The following GALC variants were observed in gnomAD, a reference collection of about 807,000 sequenced individuals.
GALC encodes galactosylceramidase.
Under a neutral mutation model 91.8 loss-of-function variants are expected in GALC, and 77 were observed. That is an observed-to-expected ratio of 0.84 (90% CI 0.70 to 1.01). The LOEUF (loss-of-function observed/expected upper bound fraction) is 1.01. Ranked by LOEUF, GALC falls within the 50% of genes least tolerant of loss-of-function variation. The pLI, the probability that GALC is intolerant of heterozygous loss-of-function variation, is 0.00. For missense variants in GALC, 882 were observed against 855.9 expected, an observed-to-expected ratio of 1.03 and a Z score of -0.38; for synonymous variants, 357 against 306.7, an observed-to-expected ratio of 1.16 and a Z score of -1.71.
In GALC at chr14:87,939,920, G is replaced by A; in HGVS notation, c.1896C>T (p.Leu632=). Residue 632 remains leucine (L), a synonymous_variant, in exon 16 of 17, where the codon CTC becomes CTT. Coordinates refer to ENST00000261304, the MANE Select transcript of GALC (RefSeq NM_000153.4). ...VEVTAKKWYT[L]TLTIKGHFTS... ...CAATACTTACCTTAATAGTTAACGT[G>A]AGTGTATACCATTTTTTTGCTGTAA... 1 of 1,607,088 alleles carries A rather than the reference G, an allele frequency of 6.2e-7. No homozygotes were observed. The highest frequency in any genetic ancestry group is 8.5e-7 in the Non-Finnish European group (1 of 1,174,200).
chr14:87,954,147 C>A (rs1365084709), intron 10 of GALC: 2 of 1,605,100 alleles, frequency 1.2e-6, no homozygotes, highest in Non-Finnish European at 1.7e-6. Context: ...TGATGTTGTA[C>A]TTCAAGACCT....
At chr14:87,947,228 T>TAG (rs1325609697) in intron 13 of GALC, among the ~76,000 whole-genome samples, 2 of 151,896 alleles carry the variant, frequency 1.3e-5, no homozygotes, top group Admixed American at 1.3e-4. Flanking sequence ...ACCAAAAACT[T>TAG]TTCTAACAAC....
intron 10 of GALC, among the ~76,000 whole-genome samples, chr14:87,951,507 A>C (rs958617043): frequency 3.3e-5 from 5 of 151,942 alleles, no homozygotes; most frequent in Non-Finnish European, 7.4e-5. Context: ...GCCATCTATA[A>C]ATGCCTCCAT....
At chr14:87,976,265 T>G (rs910137149) in intron 7 of GALC, 93 bp downstream of exon 7, 28 of 1,345,208 alleles carry the variant, frequency 2.1e-5, no homozygotes, top group Non-Finnish European at 2.4e-5. Flanking sequence ...CTTCTGAGAA[T>G]GTAATCAAAT....
rs1886890773 is a variant in GALC at position 87,984,539 on chromosome 14, G to C, written c.443-6C>G. The C allele has an allele frequency of 6.2e-7, 1 of 1,613,978 alleles. No homozygotes were observed. The highest frequency in any genetic ancestry group is 1.3e-5 in the African/African-American group (1 of 74,926). On this transcript the variant is annotated splice_polypyrimidine_tract_variant and splice_region_variant and intron_variant, in intron 4 of 16. Transcript: ENST00000261304. ...AGGGAATGACCATGGCAACCCTGCA[G>C]AGAGAAGGGAGGAGGCAAAGGTAGA...
Position 87,934,327 on chromosome 14 carries a change from T to C in GALC, c.*405A>G, listed in dbSNP as rs143839879. Reference sequence around the variant, plus strand: ...TCTTGTGATGAAGACACTGGCTCACTTGGACACACGGTCAGCATGCATAAA... The same window carrying C: ...TCTTGTGATGAAGACACTGGCTCACCTGGACACACGGTCAGCATGCATAAA... On this transcript the variant is annotated 3_prime_UTR_variant, in exon 17 of 17. Coordinates refer to ENST00000261304, the MANE Select transcript of GALC (RefSeq NM_000153.4). The C allele has an allele frequency of 6.4e-5, 82 of 1,278,978 alleles. No individual in the cohort carries two copies. In the East Asian group the frequency reaches 1.7e-3, roughly 26 times the overall value. 79.2% of individuals were successfully genotyped at this position (1,278,978 alleles called of 1,614,324 possible).
intron 12 of GALC, among the ~76,000 whole-genome samples, chr14:87,948,821 A>G (rs571323195): frequency 6.6e-6 from 1 of 152,130 alleles, no homozygotes; most frequent in African/African-American, 2.4e-5. Context: ...ATACATAATA[A>G]GGTGTTTTAT....
Position 87,963,384 on chromosome 14 carries a change from C to T in GALC, c.1161G>A (p.Met387Ile). The T allele has an allele frequency of 6.2e-7, 1 of 1,612,984 alleles. No individual in the cohort carries two copies. Among genetic ancestry groups the T allele is most frequent in the Non-Finnish European group, 8.5e-7 (1 of 1,179,234 alleles). ...TCCAATAGCAACAACAAAAGTTTAC[C>T]ATGGTTTCAATGATGATGGTGAGGT... is the stretch of plus-strand genomic sequence containing the variant. The part of the protein sequence containing the change: ...LGNLTIIIET[M>I]SHKHSKCIRP... Residue 387 changes from methionine (M) to isoleucine (I), a missense_variant and splice_region_variant, in exon 10 of 17, where the codon ATG becomes ATA. Coordinates refer to ENST00000261304, the MANE Select transcript of GALC (RefSeq NM_000153.4).
chr14:87,943,285 C>A (rs1884932035), intron 14 of GALC, among the ~76,000 whole-genome samples: 2 of 151,994 alleles, frequency 1.3e-5, no homozygotes, highest in South Asian at 2.1e-4. Context: ...AGGATTCCAA[C>A]CAATGCTCAC....
chr14:87,972,611 A>C (rs1237169011), intron 7 of GALC, among the ~76,000 whole-genome samples: 1 of 152,198 alleles, frequency 6.6e-6, no homozygotes, highest in Non-Finnish European at 1.5e-5. Context: ...ATAGGAAATT[A>C]AAATGAGAGA....
intron 15 of GALC, 23 bp downstream of exon 15, chr14:87,941,372 T>TAA (rs34752717): frequency 0.024 from 30,191 of 1,250,292 alleles, 9 homozygotes; most frequent in East Asian, 0.046. Context: ...CATATGCTAT[T>TAA]AAAAAAAAAA....
chr14:87,942,246 G>A (rs1884894154), intron 14 of GALC, among the ~76,000 whole-genome samples: 1 of 151,950 alleles, frequency 6.6e-6, no homozygotes. Flanking sequence ...CAAGTTCCCA[G>A]GTGATGCTGA....
chr14:87,992,723 C>G, intron 1 of GALC: 1 of 1,425,794 alleles, frequency 7.0e-7, no homozygotes, highest in South Asian at 1.5e-5. Context: ...TGCACCTATA[C>G]TCTCTGGACC....
upstream of GALC, chr14:87,993,226 C>G (rs1887314419): frequency 2.6e-6 from 4 of 1,547,356 alleles, no homozygotes; most frequent in Non-Finnish European, 2.6e-6. Flanking sequence ...ACGATAGATA[C>G]GGGCAGGAGG....
intron 16 of GALC, among the ~76,000 whole-genome samples, chr14:87,939,360 A>G (rs1188527866): frequency 1.3e-5 from 2 of 151,660 alleles, no homozygotes; most frequent in African/African-American, 2.4e-5. Context: ...ACAAAAATTT[A>G]TCTGCACAGC....
chr14:87,964,953 T>C (rs1595214542), intron 9 of GALC, among the ~76,000 whole-genome samples: 1 of 152,310 alleles, frequency 6.6e-6, no homozygotes, highest in Non-Finnish European at 1.5e-5. Flanking sequence ...TTACCTATTT[T>C]GAAATTTACC....
intron 1 of GALC, among the ~76,000 whole-genome samples, chr14:87,991,617 AAAG>A (rs1340911612): frequency 6.6e-6 from 1 of 152,228 alleles, no homozygotes; most frequent in Non-Finnish European, 1.5e-5. Flanking sequence ...AGGACTCCAC[AAAG>A]AAGTTTAAAG....
upstream of GALC, chr14:87,993,526 G>A (rs1234152081): frequency 1.4e-5 from 21 of 1,495,144 alleles, no homozygotes; most frequent in Non-Finnish European, 1.9e-5. Flanking sequence ...CTCGTGCGAG[G>A]ACCAGGCTTG....
intron 9 of GALC, among the ~76,000 whole-genome samples, chr14:87,964,064 C>A (rs796609554): frequency 6.6e-6 from 1 of 151,726 alleles, no homozygotes; most frequent in East Asian, 1.9e-4. Context: ...ACATTCAAGG[C>A]GCTGATATAC....
Sources: allele counts gnomAD v4.1 joint callset (sites outside exome capture counted in the v4.1 genomes callset), GRCh38; gene constraint gnomAD v4.1.1; transcripts MANE v1.5; gene names NCBI Gene and HGNC (gene_info 2026-07-23, HGNC 2026-07-21).